PRCD: variants seen among roughly 807,000 people sequenced by gnomAD.
PRCD encodes the protein photoreceptor disk component PRCD.
A neutral mutation model predicts 10.1 loss-of-function variants in PRCD; 12 were observed. That is an observed-to-expected ratio of 1.18 (90% CI 0.76 to 1.92). PRCD has a LOEUF of 1.92. Among genes scored for constraint, PRCD ranks in the 40% most tolerant of loss-of-function variants. The pLI, the probability that PRCD is intolerant of heterozygous loss-of-function variation, is 0.00. For synonymous variants in PRCD, 31 were observed against 26.2 expected, an observed-to-expected ratio of 1.18 and a Z score of -0.56; for missense variants, 61 against 72.2, an observed-to-expected ratio of 0.84 and a Z score of 0.56.
chr17:76,530,065 C>T lies in PRCD; in HGVS notation n.45+2232C>T. ...GCAGTCTTGGGGGCCCGTGCAGAGC[C>T]CGGCGGGAGACGCCGCCTTTTCCAT... On this transcript the variant is annotated intron_variant and non_coding_transcript_variant, in intron 1 of 4. Transcript: ENST00000397633. The surrounding 1 kb of genome is among the most constrained non-coding windows in gnomAD (Gnocchi z 6.1). 6.1e-6 allele frequency: 6 copies of T among 985,370 alleles called. No individual in the cohort carries two copies. Among genetic ancestry groups the T allele is most frequent in the Non-Finnish European group, 7.2e-6 (6 of 829,902 alleles). 61.0% of individuals were successfully genotyped at this position (985,370 alleles called of 1,614,324 possible).
chr17:76,536,252 A>C (rs1000685078), upstream of PRCD, among the ~76,000 whole-genome samples: 5 of 152,144 alleles, frequency 3.3e-5, no homozygotes, highest in African/African-American at 1.2e-4. Flanking sequence ...AGTTGGAATC[A>C]GGGCATATCA....
chr17:76,543,300 A>G (rs1431115398), intron 4 of PRCD, 179 bp downstream of exon 4: 3 of 351,144 alleles, frequency 8.5e-6, no homozygotes, highest in Non-Finnish European at 1.7e-5. Flanking sequence ...GCTGAGCCTG[A>G]GAAAGCCTAG....
chr17:76,528,273 A>G lies in PRCD; in HGVS notation n.45+440A>G. ...ACGGGGCTGGTTTATTCCCTAAGGG[A>G]CTCCTAGACCTGTCCCGCTTCCTGC... On this transcript the variant is annotated intron_variant and non_coding_transcript_variant, in intron 1 of 4. Transcript: ENST00000397633. This position sits in a 1 kb window ranked among gnomAD's most constrained non-coding sequence, Gnocchi z 5.8. 1 of 398,782 alleles carries G rather than the reference A, an allele frequency of 2.5e-6. No individual in the cohort carries two copies. The highest frequency in any genetic ancestry group is 4.4e-6 in the Non-Finnish European group (1 of 226,452). The allele number at this position is 398,782 out of a possible 1,614,324, so 24.7% of individuals were successfully genotyped here. A position where few individuals can be genotyped will look rare whatever the true frequency, so the allele number is the denominator to read the frequency against.
chr17:76,539,271 G>A (rs1012692407), upstream of PRCD, among the ~76,000 whole-genome samples: 12 of 152,168 alleles, frequency 7.9e-5, no homozygotes, highest in African/African-American at 2.7e-4. Flanking sequence ...AGGTCCCCTT[G>A]GGATGTGGAA....
rs2074973185 is a variant in PRCD at position 76,540,255 on chromosome 17, G to GGT, written c.74+41_74+42insTG. 1 of 1,095,176 alleles carries GGT rather than the reference G, an allele frequency of 9.1e-7. No homozygotes were observed. 67.8% of individuals were successfully genotyped at this position (1,095,176 alleles called of 1,614,324 possible). A position where few individuals can be genotyped will look rare whatever the true frequency, so the allele number is the denominator to read the frequency against. ...GGGCTATGGCTGGCGGTTGGTCGGG[G>GGT]GGGGGGGGCATGGGGCTGGGCTGCC... On this transcript the variant is annotated intron_variant, in intron 1 of 4. Coordinates refer to ENST00000592014, the MANE Select transcript of PRCD (RefSeq NM_001077620.3). The surrounding 1 kb of genome is among the most constrained non-coding windows in gnomAD (Gnocchi z 5.0).
chr17:76,543,755 C>G, intron 4 of PRCD, 48 bp from the exon 5 acceptor site: 1 of 469,910 alleles, frequency 2.1e-6, no homozygotes, highest in South Asian at 1.6e-5. Context: ...GTGCTGGTGT[C>G]GGTTTGCCAC....
Position 76,545,204 on chromosome 17 carries a change from C to T in PRCD, c.*1554C>T, listed in dbSNP as rs1413909690. 1 of 456,666 alleles carries T rather than the reference C, an allele frequency of 2.2e-6. No individual in the cohort carries two copies. The highest frequency in any genetic ancestry group is 2.0e-5 in the African/African-American group (1 of 50,086). 28.3% of individuals were successfully genotyped at this position (456,666 alleles called of 1,614,324 possible). A position where few individuals can be genotyped will look rare whatever the true frequency, so the allele number is the denominator to read the frequency against. On this transcript the variant is annotated 3_prime_UTR_variant, in exon 5 of 5. Coordinates refer to ENST00000592014, the MANE Select transcript of PRCD (RefSeq NM_001077620.3). ...GCTCTCTGCGCAGTCTGCACATTTG[C>T]AGCTCCTGCTGCAGAAAGTTACCTC...
At position 76,528,954 on chromosome 17, in the gene PRCD, G is replaced by A. The variant is rs983626078; in HGVS notation, n.45+1121G>A. On this transcript the variant is annotated intron_variant and non_coding_transcript_variant, in intron 1 of 4. Transcript: ENST00000397633. This position sits in a 1 kb window ranked among gnomAD's most constrained non-coding sequence, Gnocchi z 5.8. ...TTTTCCATTAATTCTGAAACGTGGC[G>A]CATTCTGTCCGGCCTGTCTCGTCCC... is the stretch of plus-strand genomic sequence containing the variant. 2.0e-5 allele frequency: 21 copies of A among 1,072,730 alleles called. No individual in the cohort carries two copies. Among genetic ancestry groups the A allele is most frequent in the African/African-American group, 8.3e-5 (5 of 60,320 alleles). 66.5% of individuals were successfully genotyped at this position (1,072,730 alleles called of 1,614,324 possible).
At chr17:76,529,323 T>C (rs1218623202) in intron 1 of PRCD, 1 of 985,230 alleles carries the variant, frequency 1.0e-6, no homozygotes, top group East Asian at 1.1e-4. Context: ...GTAACCCCCA[T>C]GGGGTGCCAG....
chr17:76,529,503 T>G (rs2074808922), intron 1 of PRCD: 1 of 985,320 alleles, frequency 1.0e-6, no homozygotes, highest in African/African-American at 1.7e-5. Context: ...GTGTTTCTGA[T>G]TCACTGGGGC....
upstream of PRCD, chr17:76,537,858 G>C (rs1555623969): frequency 6.6e-6 from 1 of 151,758 alleles, no homozygotes; most frequent in Non-Finnish European, 1.5e-5. Context: ...ATGCCGGCAA[G>C]GTGAAGGCTG....
chr17:76,553,142 A>G (rs2075127490), exon 2 of PRCD: 1 of 152,062 alleles, frequency 6.6e-6, no homozygotes, highest in Admixed American at 6.6e-5. Flanking sequence ...AGCCTCGCAG[A>G]TGCAAGATGG....
Position 76,540,333 on chromosome 17 carries a change from G to A in PRCD, c.74+118G>A. The A allele has an allele frequency of 7.6e-7, 1 of 1,323,380 alleles. No homozygotes were observed. Among genetic ancestry groups the A allele is most frequent in the Non-Finnish European group, 1.1e-6 (1 of 938,354 alleles). The allele number at this position is 1,323,380 out of a possible 1,614,324, so 82.0% of individuals were successfully genotyped here. ...GTGAACCTTCAGCGGGGCTGGGAGG[G>A]CATTTTGAGGAACCCTTGAGAGAGC... On this transcript the variant is annotated intron_variant, in intron 1 of 4. Coordinates refer to ENST00000592014, the MANE Select transcript of PRCD (RefSeq NM_001077620.3). This position sits in a 1 kb window ranked among gnomAD's most constrained non-coding sequence, Gnocchi z 5.0.
At position 76,533,557 on chromosome 17, in the gene PRCD, C is replaced by A. The variant is rs1290651947; in HGVS notation, n.45+5724C>A. Among the ~76,000 whole-genome samples the A allele has an allele frequency of 6.6e-6, 1 of 150,800 alleles. No individual in the cohort carries two copies. The highest frequency in any genetic ancestry group is 2.4e-5 in the African/African-American group (1 of 40,924). ...CTGGGCAATGTGGCAAACCCTGTCT[C>A]TACAAAATACAAAAAATTAGCCAGG... On this transcript the variant is annotated intron_variant and non_coding_transcript_variant, in intron 1 of 4. Transcript: ENST00000397633. The surrounding 1 kb of genome is among the most constrained non-coding windows in gnomAD (Gnocchi z 4.5).
In PRCD at chr17:76,544,711, C is replaced by T. The variant is rs552803584; in HGVS notation, c.*1061C>T. On this transcript the variant is annotated 3_prime_UTR_variant, in exon 5 of 5. Coordinates refer to ENST00000592014, the MANE Select transcript of PRCD (RefSeq NM_001077620.3). ...GCTGAGGGCCAGAGGGCACTGTTCC[C>T]GGGACCCAGTCTGTGTTCCCCGATC... 733 of 456,796 alleles carry T rather than the reference C, an allele frequency of 1.6e-3. 9 individuals carry two copies. The highest frequency in any genetic ancestry group is 0.011 in the South Asian group (706 of 64,578). The allele number at this position is 456,796 out of a possible 1,614,324, so 28.3% of individuals were successfully genotyped here.
Position 76,545,226 on chromosome 17 carries a change from CCT to C in PRCD, c.*1582_*1583del, listed in dbSNP as rs771768856. 4.4e-6 allele frequency: 2 copies of C among 456,796 alleles called. No individual in the cohort carries two copies. Among genetic ancestry groups the C allele is most frequent in the South Asian group, 3.1e-5 (2 of 64,574 alleles). The allele number at this position is 456,796 out of a possible 1,614,324, so 28.3% of individuals were successfully genotyped here. A position where few individuals can be genotyped will look rare whatever the true frequency, so the allele number is the denominator to read the frequency against. On this transcript the variant is annotated 3_prime_UTR_variant, in exon 5 of 5. Coordinates refer to ENST00000592014, the MANE Select transcript of PRCD (RefSeq NM_001077620.3). ...TTGCAGCTCCTGCTGCAGAAAGTTA[CCT>C]CTCTCAGCCTAGAGCTCCCCACAGA...
chr17:76,529,041 T>TGGGGGGGGGGGGGGGGGGGGGGGGGGGG, intron 1 of PRCD: 20 of 834,202 alleles, frequency 2.4e-5, no homozygotes, highest in Non-Finnish European at 2.4e-5. Context: ...CTGCAGTCAT[T>TGGGGGGGGGGGGGGGGGGGGGGGGGGGG]GCGCCCCCCC....
In PRCD at chr17:76,543,987, A is replaced by T. The variant is rs945877788; in HGVS notation, c.*337A>T. ...GGGCAGTAGCGTGTGGGAAGGAAAA[A>T]GCCTGACACTTGTTTTTATCAATTT... On this transcript the variant is annotated 3_prime_UTR_variant, in exon 5 of 5. Coordinates refer to ENST00000592014, the MANE Select transcript of PRCD (RefSeq NM_001077620.3). 1 of 460,912 alleles carries T rather than the reference A, an allele frequency of 2.2e-6. No individual in the cohort carries two copies. The highest frequency in any genetic ancestry group is 1.6e-5 in the South Asian group (1 of 64,496). 28.6% of individuals were successfully genotyped at this position (460,912 alleles called of 1,614,324 possible). A position where few individuals can be genotyped will look rare whatever the true frequency, so the allele number is the denominator to read the frequency against.
upstream of PRCD, chr17:76,540,010 C>A: frequency 2.1e-6 from 2 of 932,262 alleles, no homozygotes; most frequent in Admixed American, 2.2e-5. The surrounding 1 kb of genome is among the most constrained non-coding windows in gnomAD (Gnocchi z 5.0). Context: ...TCAGCTTGAG[C>A]CTCCTAATCC....
Sources: allele counts gnomAD v4.1 joint callset (sites outside exome capture counted in the v4.1 genomes callset), GRCh38; gene constraint gnomAD v4.1.1; non-coding constraint Gnocchi (gnomAD v3.1); transcripts MANE v1.5; gene names NCBI Gene and HGNC (gene_info 2026-07-23, HGNC 2026-07-21).